The following LRRC9 variants were observed in gnomAD, a reference collection of about 807,000 sequenced individuals.
LRRC9 encodes the protein leucine rich repeat containing 9, also known as leucine-rich repeat-containing protein 9.
In LRRC9, 122 loss-of-function variants were observed where a neutral mutation model predicts 63.2. The ratio of observed to expected loss-of-function variants is 1.93; its 90% CI spans 1.67 to 2.24. LRRC9 has a LOEUF of 2.24. LRRC9 is among the 30% of genes most tolerant of loss of function. The pLI is 0.00. For synonymous variants in LRRC9, 366 were observed against 213.1 expected (o/e 1.72, Z -6.25); for missense variants, 1,071 against 627.7 (o/e 1.71, Z -7.55).
chr14:60,057,901 T>A, exon 31 of LRRC9: 1 of 686,596 alleles, frequency 1.5e-6, no homozygotes, highest in South Asian at 1.5e-5. Context: ...CCCACTCTCC[T>A]ATGGATGGCA....
At chr14:59,983,384 T>C (rs1020519361) in intron 16 of LRRC9, among the ~76,000 whole-genome samples, 29 of 152,236 alleles carry the variant, frequency 1.9e-4, no homozygotes, top group Admixed American at 1.7e-3. Context: ...ATTTCTGCAC[T>C]ATAATATCTA....
In LRRC9 at chr14:60,049,173, T is replaced by A. The variant is rs56959106; in HGVS notation, c.3991-3892T>A. 2.0e-3 allele frequency among the ~76,000 whole-genome samples: 310 copies of A among 152,276 alleles called. 2 individuals carry two copies. Among genetic ancestry groups the A allele is most frequent in the African/African-American group, 7.3e-3 (303 of 41,570 alleles). ...CCATATATTACAATCTCCCAACCAA[T>A]ATCATACTGATATTGGGGTCTTGGT... On this transcript the variant is annotated intron_variant, in intron 29 of 31. Transcript: ENST00000445360.
At chr14:59,926,913 A>T (rs1889257139) in intron 1 of LRRC9, among the ~76,000 whole-genome samples, 2 of 152,168 alleles carry the variant, frequency 1.3e-5, no homozygotes, top group South Asian at 4.1e-4. Context: ...GTGTACCCAT[A>T]GTAGAAATAA....
chr14:59,935,632 T>A (rs1468303369), intron 6 of LRRC9, among the ~76,000 whole-genome samples: 1 of 152,226 alleles, frequency 6.6e-6, no homozygotes, highest in Non-Finnish European at 1.5e-5. Flanking sequence ...TTCAGAGTGC[T>A]GTGGGAACAT....
chr14:59,986,819 C>T lies in LRRC9; in HGVS notation c.2211+1595C>T, dbSNP rs1887520816. Among the ~76,000 whole-genome samples, 1 of 151,992 alleles carries T rather than the reference C, an allele frequency of 6.6e-6. No homozygotes were observed. The highest frequency in any genetic ancestry group is 1.5e-5 in the Non-Finnish European group (1 of 68,000). On this transcript the variant is annotated intron_variant, in intron 17 of 31. Transcript: ENST00000445360. This position sits in a 1 kb window ranked among gnomAD's most constrained non-coding sequence, Gnocchi z 4.7. ...CAGTCTACTTGTTAAATGACTATAA[C>T]CTTAGTCATTTTACAGATAAGGGAA... is the stretch of plus-strand genomic sequence containing the variant.
chr14:59,985,414 A>T (rs1041939390), intron 17 of LRRC9, among the ~76,000 whole-genome samples, 190 bp downstream of exon 17: 10 of 152,204 alleles, frequency 6.6e-5, no homozygotes, highest in Non-Finnish European at 1.3e-4. Context: ...TGTTAATTTG[A>T]TTGTGGTAAT....
intron 12 of LRRC9, among the ~76,000 whole-genome samples, chr14:59,972,299 A>T (rs1885602706): frequency 1.3e-5 from 2 of 152,170 alleles, no homozygotes; most frequent in Admixed American, 6.5e-5. Flanking sequence ...TAATCCAAAA[A>T]GTCAGTTAAA....
chr14:59,996,954 A>C (rs1888861765), intron 17 of LRRC9, among the ~76,000 whole-genome samples: 1 of 152,208 alleles, frequency 6.6e-6, no homozygotes, highest in Non-Finnish European at 1.5e-5. Flanking sequence ...ATGATCACAT[A>C]GTCAAATATC....
intron 7 of LRRC9, among the ~76,000 whole-genome samples, chr14:59,940,204 T>C (rs1343842584): frequency 6.6e-6 from 1 of 152,138 alleles, no homozygotes; most frequent in Non-Finnish European, 1.5e-5. Context: ...ATATTTCATT[T>C]TCTTATCGTA....
intron 23 of LRRC9, among the ~76,000 whole-genome samples, chr14:60,009,774 AC>A (rs1305550288): frequency 6.6e-6 from 1 of 152,234 alleles, no homozygotes; most frequent in East Asian, 1.9e-4. Context: ...CAATGGGGGT[AC>A]AGGCATTGGG....
intron 7 of LRRC9, among the ~76,000 whole-genome samples, chr14:59,941,940 T>C (rs1332167608): frequency 1.3e-5 from 2 of 152,122 alleles, no homozygotes; most frequent in Admixed American, 1.3e-4. Context: ...TTAACCAACC[T>C]TTCTCCCCAT....
At chr14:59,934,662 G>GCATGCACGTGCACA (rs1344977837) in intron 6 of LRRC9, among the ~76,000 whole-genome samples, 14 of 152,128 alleles carry the variant, frequency 9.2e-5, no homozygotes, top group Non-Finnish European at 1.2e-4. Flanking sequence ...GTGTGTGCAC[G>GCATGCACGTGCACA]CATGCACGTG....
intron 28 of LRRC9, chr14:60,030,266 G>A (rs1891886425): frequency 6.6e-6 from 1 of 152,082 alleles, no homozygotes; most frequent in African/African-American, 2.4e-5. Context: ...TCCTTCAGAA[G>A]CTATATCCTT....
Position 60,042,037 on chromosome 14 carries a change from TATC to T in LRRC9, c.3990+9976_3990+9978del, listed in dbSNP as rs1400553696. ...CCACTCCAGACCCTGTTTGCCTGGG[TATC>T]ACCAGCGGAGGCTGCAGAACAGCAA... On this transcript the variant is annotated intron_variant, in intron 29 of 31. Transcript: ENST00000445360. This position sits in a 1 kb window ranked among gnomAD's most constrained non-coding sequence, Gnocchi z 4.2. Among the ~76,000 whole-genome samples the T allele has an allele frequency of 4.6e-5, 7 of 152,184 alleles. No homozygotes were observed. Among genetic ancestry groups the T allele is most frequent in the Admixed American group, 2.6e-4 (4 of 15,282 alleles).
intron 8 of LRRC9, among the ~76,000 whole-genome samples, chr14:59,945,078 T>G (rs1220175942): frequency 1.3e-5 from 2 of 151,880 alleles, no homozygotes; most frequent in Non-Finnish European, 2.9e-5. Flanking sequence ...ATTATTAGAC[T>G]TATTCAGCTG....
chr14:60,035,165 A>G (rs1360156281), intron 29 of LRRC9, among the ~76,000 whole-genome samples: 1 of 150,918 alleles, frequency 6.6e-6, no homozygotes, highest in Non-Finnish European at 1.5e-5. Flanking sequence ...ATGTCTTTTC[A>G]GATCTTTTAA....
chr14:60,009,714 T>C (rs219375), intron 23 of LRRC9, among the ~76,000 whole-genome samples: 113,638 of 152,110 alleles, frequency 0.75, 44,557 homozygotes, highest in Non-Finnish European at 0.87. Flanking sequence ...TCAAGTCCCT[T>C]CTGCCTATGA....
At chr14:59,947,126 G>A (rs1455820453) in intron 8 of LRRC9, among the ~76,000 whole-genome samples, 20 of 150,732 alleles carry the variant, frequency 1.3e-4, no homozygotes, top group African/African-American at 4.9e-4. Flanking sequence ...CCCACCAACA[G>A]TGTAAAAGTG....
rs796488329 is a variant in LRRC9 at position 59,989,125 on chromosome 14, G to T, written c.2211+3901G>T. The stretch of plus-strand genomic sequence containing the variant: ...AATAAGTTTACTAGCATTTGTCTTG[G>T]TGTTGGTTGTTCTGGGTTGTTTTTT... On this transcript the variant is annotated intron_variant, in intron 17 of 31. Transcript: ENST00000445360. Among the ~76,000 whole-genome samples the T allele has an allele frequency of 5.9e-5, 9 of 151,968 alleles. 1 individual carries two copies. Among genetic ancestry groups the T allele is most frequent in the African/African-American group, 2.2e-4 (9 of 41,492 alleles).
Sources: gnomAD v4.1 joint callset for allele counts (sites outside exome capture counted in the v4.1 genomes callset) on GRCh38, gnomAD v4.1.1 for gene constraint, Gnocchi (gnomAD v3.1) non-coding constraint, MANE v1.5 for transcripts, NCBI Gene and HGNC (gene_info 2026-07-23, HGNC 2026-07-21) for gene names.